DPP10: variants seen among roughly 807,000 people sequenced by gnomAD.
DPP10 encodes dipeptidyl peptidase like 10.
DPP10 carries 33 observed loss-of-function variants against 120.9 expected under a neutral mutation model. The ratio of observed to expected loss-of-function variants is 0.27; its 90% confidence interval spans 0.21 to 0.37. The LOEUF is 0.37. DPP10 is among the 10% of genes least tolerant of loss of function. The probability of loss-of-function intolerance (pLI) is 1.00; values close to 1 mark genes in which losing one functional copy is unlikely to be tolerated. For missense variants in DPP10, 816 were observed against 942.8 expected, an observed-to-expected ratio of 0.87 and a Z score of 1.76; for synonymous variants, 337 against 326.1, an observed-to-expected ratio of 1.03 and a Z score of -0.36.
intron 1 of DPP10, among the ~76,000 whole-genome samples, chr2:114,560,383 G>A (rs1170042364): frequency 6.6e-6 from 1 of 152,158 alleles, no homozygotes; most frequent in Non-Finnish European, 1.5e-5. Flanking sequence ...GGTTCCTGAG[G>A]ACAGGTGTTT....
intron 4 of DPP10, among the ~76,000 whole-genome samples, chr2:115,510,859 G>A (rs2077186328): frequency 6.6e-6 from 1 of 152,016 alleles, no homozygotes; most frequent in Non-Finnish European, 1.5e-5. Context: ...TACTTTTATT[G>A]TTGAATTTGT....
chr2:114,474,098 C>T (rs1224625760), intron 1 of DPP10, among the ~76,000 whole-genome samples: 2 of 152,270 alleles, frequency 1.3e-5, no homozygotes, highest in African/African-American at 2.4e-5. Flanking sequence ...GCTGGGATTA[C>T]AGGCGTGCAC....
intron 1 of DPP10, among the ~76,000 whole-genome samples, chr2:114,565,392 T>C (rs1573668387): frequency 6.6e-6 from 1 of 152,154 alleles, no homozygotes; most frequent in Non-Finnish European, 1.5e-5. Flanking sequence ...GCCCACCTGA[T>C]CTGTTCTTTC....
chr2:114,583,540 T>C lies in DPP10; in HGVS notation c.60+140702T>C, dbSNP rs542744892. Among the ~76,000 whole-genome samples the C allele has an allele frequency of 8.5e-5, 13 of 152,364 alleles. No homozygotes were observed. In the South Asian group the frequency reaches 2.7e-3, roughly 32 times the overall value. ...ATTTTAAAATGAGTTTGGGTCTGCCTAACCTAAAATGTAGATGAGTCTGCC... is the reference window on the plus strand; with the variant it reads ...ATTTTAAAATGAGTTTGGGTCTGCCCAACCTAAAATGTAGATGAGTCTGCC... On this transcript the variant is annotated intron_variant, in intron 1 of 25. Coordinates refer to ENST00000410059, the MANE Select transcript of DPP10 (RefSeq NM_020868.6).
intron 17 of DPP10, among the ~76,000 whole-genome samples, chr2:115,783,177 C>A (rs1412925213): frequency 2.6e-5 from 4 of 151,074 alleles, no homozygotes; most frequent in Non-Finnish European, 5.9e-5. Flanking sequence ...TTTATTGACT[C>A]ACTTGAACTT....
intron 1 of DPP10, among the ~76,000 whole-genome samples, chr2:115,168,791 T>G (rs369416433): frequency 1.3e-5 from 2 of 152,314 alleles, no homozygotes; most frequent in South Asian, 2.1e-4. Flanking sequence ...ATTGTAGATT[T>G]ATGTTTGTTA....
At chr2:114,822,505 AT>A (rs1389633109) in intron 1 of DPP10, among the ~76,000 whole-genome samples, 1 of 152,092 alleles carries the variant, frequency 6.6e-6, no homozygotes, top group Non-Finnish European at 1.5e-5. Flanking sequence ...GGTGATTAGC[AT>A]GTGGCTCCTT....
chr2:115,242,173 G>A (rs2058720633), intron 1 of DPP10, among the ~76,000 whole-genome samples: 1 of 151,982 alleles, frequency 6.6e-6, no homozygotes, highest in African/African-American at 2.4e-5. Flanking sequence ...TTCCCCCTGA[G>A]TCCTCAAAGT....
chr2:115,610,179 G>A (rs190851482), intron 5 of DPP10, among the ~76,000 whole-genome samples: 4 of 152,184 alleles, frequency 2.6e-5, no homozygotes, highest in Non-Finnish European at 2.9e-5. Context: ...TCAGTCACAT[G>A]GATGGCAAGC....
chr2:114,911,510 A>G (rs923979407), intron 1 of DPP10, among the ~76,000 whole-genome samples: 1 of 152,202 alleles, frequency 6.6e-6, no homozygotes, highest in African/African-American at 2.4e-5. Flanking sequence ...CAAGGTTCAT[A>G]AGCTGGGTAT....
intron 1 of DPP10, among the ~76,000 whole-genome samples, chr2:114,447,973 G>T (rs1263818505): frequency 6.6e-6 from 1 of 152,092 alleles, no homozygotes; most frequent in African/African-American, 2.4e-5. Context: ...ACAAGAATAG[G>T]ACCATCTGCT....
chr2:114,893,921 A>C (rs1384621385), intron 1 of DPP10, among the ~76,000 whole-genome samples: 1 of 152,162 alleles, frequency 6.6e-6, no homozygotes, highest in Non-Finnish European at 1.5e-5. Flanking sequence ...TTCTGAGTAC[A>C]TACTAATTAG....
At position 114,591,554 on chromosome 2, in the gene DPP10, A is replaced by ATTTTTTTTTTTT. The variant is rs70937292; in HGVS notation, c.60+148723_60+148734dup. ...CTCAGAATGTACCCAACCTCTTCCT[A>ATTTTTTTTTTTT]TTTTTTTTTTTTTTTTTTGAGATGG... is the stretch of plus-strand genomic sequence containing the variant. On this transcript the variant is annotated intron_variant, in intron 1 of 25. Transcript: ENST00000410059. 5.7e-4 allele frequency among the ~76,000 whole-genome samples: 71 copies of ATTTTTTTTTTTT among 124,542 alleles called. 3 individuals carry two copies. The highest frequency in any genetic ancestry group is 1.4e-3 in the African/African-American group (43 of 31,656). The allele number at this position is 124,542 out of a possible 152,430, so 81.7% of individuals were successfully genotyped here.
At chr2:115,355,690 T>G (rs114123620) in intron 3 of DPP10, among the ~76,000 whole-genome samples, 1,684 of 152,290 alleles carry the variant, frequency 0.011, 26 homozygotes, top group African/African-American at 0.039. Flanking sequence ...GTATGTTGGG[T>G]TTTATATTTA....
intron 1 of DPP10, among the ~76,000 whole-genome samples, chr2:114,526,598 T>C (rs1415365269): frequency 6.6e-6 from 1 of 152,188 alleles, no homozygotes; most frequent in Non-Finnish European, 1.5e-5. Flanking sequence ...CTTGCAGTTC[T>C]GGAGACTGGG....
At chr2:114,597,253 C>T (rs556902232) in intron 1 of DPP10, among the ~76,000 whole-genome samples, 1 of 152,018 alleles carries the variant, frequency 6.6e-6, no homozygotes, top group African/African-American at 2.4e-5. Flanking sequence ...ACTGTTGGGC[C>T]ATAACAGATA....
At chr2:114,697,998 C>T (rs886437353) in intron 1 of DPP10, among the ~76,000 whole-genome samples, 5 of 152,030 alleles carry the variant, frequency 3.3e-5, no homozygotes, top group African/African-American at 4.8e-5. Context: ...GTCACTATTA[C>T]ATTTCAGAGA....
chr2:115,804,999 C>G (rs1035303693), intron 19 of DPP10, among the ~76,000 whole-genome samples: 1 of 152,194 alleles, frequency 6.6e-6, no homozygotes, highest in African/African-American at 2.4e-5. Context: ...TTATTGCTGT[C>G]TTTTGTTTGT....
chr2:115,678,743 G>T (rs1276854163), intron 5 of DPP10, among the ~76,000 whole-genome samples: 1 of 152,208 alleles, frequency 6.6e-6, no homozygotes, highest in Admixed American at 6.5e-5. Flanking sequence ...TGGAAAAGCT[G>T]CAGGCACTCA....
Sources: allele counts gnomAD v4.1 joint callset (sites outside exome capture counted in the v4.1 genomes callset), GRCh38; gene constraint gnomAD v4.1.1; transcripts MANE v1.5; gene names NCBI Gene and HGNC (gene_info 2026-07-23, HGNC 2026-07-21).